Variants in ARSG observed in about 807,000 individuals in gnomAD.
ARSG encodes ASG.
ARSG carries 37 observed loss-of-function variants against 50.5 expected under a neutral mutation model. The ratio of observed to expected loss-of-function variants is 0.73; its 90% CI spans 0.56 to 0.96. The LOEUF (loss-of-function observed/expected upper bound fraction) is 0.96, where lower values mean the gene tolerates loss of function less well. Ranked by LOEUF, ARSG falls within the 50% of genes least tolerant of loss-of-function variation. ARSG has a pLI of 0.00. For synonymous variants in ARSG, 225 were observed against 254.6 expected, an observed-to-expected ratio of 0.88 and a Z score of 1.11; for missense variants, 629 against 675.3, an observed-to-expected ratio of 0.93 and a Z score of 0.76.
intron 6 of ARSG, among the ~76,000 whole-genome samples, chr17:68,364,354 T>G (rs566590350): frequency 7.2e-5 from 11 of 152,028 alleles, no homozygotes; most frequent in Non-Finnish European, 1.6e-4. Flanking sequence ...TAACCTGTTT[T>G]TTGTTGTTGT....
At chr17:68,304,815 C>T (rs2076547453) in intron 1 of ARSG, among the ~76,000 whole-genome samples, 1 of 152,186 alleles carries the variant, frequency 6.6e-6, no homozygotes, top group Non-Finnish European at 1.5e-5. Context: ...CAGGAATGAA[C>T]CACAATGCCC....
intron 11 of ARSG, among the ~76,000 whole-genome samples, chr17:68,415,299 G>T (rs527875434): frequency 6.6e-6 from 1 of 152,172 alleles, no homozygotes; most frequent in African/African-American, 2.4e-5. Context: ...TTAGGAGCAG[G>T]TTATATAATT....
In ARSG at chr17:68,330,171, C is replaced by T. The variant is rs370491443; in HGVS notation, c.219-13433C>T. Among the ~76,000 whole-genome samples the T allele has an allele frequency of 3.1e-3, 466 of 151,826 alleles. 3 individuals are homozygous for T. Among genetic ancestry groups the T allele is most frequent in the African/African-American group, 0.011 (438 of 41,330 alleles). Reference sequence around the variant, plus strand: ...GTTGTAGTGAGCTGAGATCGAGCCACTGCACTCCAGCCTGGGTGGCAGAGT... The same window carrying T: ...GTTGTAGTGAGCTGAGATCGAGCCATTGCACTCCAGCCTGGGTGGCAGAGT... On this transcript the variant is annotated intron_variant, in intron 2 of 11. Transcript: ENST00000621439.
chr17:68,372,309 G>A (rs1041799293), intron 8 of ARSG, among the ~76,000 whole-genome samples: 1 of 151,786 alleles, frequency 6.6e-6, no homozygotes, highest in African/African-American at 2.4e-5. Flanking sequence ...TCGATCGATC[G>A]AAACACCAAT....
At chr17:68,389,102 C>T (rs1446173522) in intron 9 of ARSG, among the ~76,000 whole-genome samples, 1 of 152,192 alleles carries the variant, frequency 6.6e-6, no homozygotes, top group Non-Finnish European at 1.5e-5. Flanking sequence ...GGAGGCTGTG[C>T]TCACATCAGT....
upstream of ARSG, among the ~76,000 whole-genome samples, chr17:68,287,491 C>T (rs1213847519): frequency 6.6e-6 from 1 of 152,148 alleles, no homozygotes; most frequent in Non-Finnish European, 1.5e-5. Context: ...TATTTCCTTT[C>T]TGAGCCACTG....
chr17:68,380,040 C>G (rs1312951474), intron 8 of ARSG: 1 of 173,354 alleles, frequency 5.8e-6, no homozygotes, highest in Non-Finnish European at 1.1e-5. Flanking sequence ...CCTGAGACAG[C>G]AAGACCAACC....
chr17:68,326,913 G>T (rs1302075787), intron 2 of ARSG, among the ~76,000 whole-genome samples: 1 of 152,216 alleles, frequency 6.6e-6, no homozygotes, highest in African/African-American at 2.4e-5. Flanking sequence ...GGAGTGGCCA[G>T]AGAAAGAGTG....
chr17:68,444,187 A>G, the ARSG span, among the ~76,000 whole-genome samples: 1 of 152,244 alleles, frequency 6.6e-6, no homozygotes, highest in Non-Finnish European at 1.5e-5. Context: ...ACACTTTTCA[A>G]CAGCAGATGC....
At chr17:68,441,709 AC>A in the ARSG span, among the ~76,000 whole-genome samples, 1 of 152,120 alleles carries the variant, frequency 6.6e-6, no homozygotes, top group Non-Finnish European at 1.5e-5. Context: ...ACCTTTGCCC[AC>A]CCAGGCCACA....
intron 1 of ARSG, among the ~76,000 whole-genome samples, chr17:68,294,777 A>G (rs1189650440): frequency 6.6e-6 from 1 of 152,158 alleles, no homozygotes; most frequent in East Asian, 1.9e-4. Flanking sequence ...TCTGCCATCT[A>G]GCAACAGTGA....
At chr17:68,364,351 T>C (rs1175497294) in intron 6 of ARSG, among the ~76,000 whole-genome samples, 1 of 151,956 alleles carries the variant, frequency 6.6e-6, no homozygotes, top group Non-Finnish European at 1.5e-5. Context: ...AGATAACCTG[T>C]TTTTTGTTGT....
At chr17:68,448,423 G>C in the ARSG span, 1 of 152,188 alleles carries the variant, frequency 6.6e-6, no homozygotes, top group Non-Finnish European at 1.5e-5. Context: ...TCCGAGAACT[G>C]TTAGATCTTG....
chr17:68,289,862 T>C (rs2075928969), upstream of ARSG, among the ~76,000 whole-genome samples: 4 of 152,166 alleles, frequency 2.6e-5, 1 homozygote, highest in South Asian at 8.3e-4. Context: ...GCTTTTCCAC[T>C]TGGCTGCATT....
chr17:68,341,089 G>A (rs895685080), intron 2 of ARSG, among the ~76,000 whole-genome samples: 1 of 152,114 alleles, frequency 6.6e-6, no homozygotes, highest in African/African-American at 2.4e-5. Flanking sequence ...GCTACTGAGT[G>A]AAGTTTAAGC....
rs954594171 is a variant in ARSG, at chr17:68,378,333, C to T, written c.983-6731C>T. On this transcript the variant is annotated intron_variant, in intron 8 of 11. Coordinates refer to ENST00000621439, the MANE Select transcript of ARSG (RefSeq NM_001267727.2). The surrounding 1 kb of genome is among the most constrained non-coding windows in gnomAD (Gnocchi z 4.4). ...GAAGCCAGGCTGCTGCGTCAGGCCA[C>T]GTGCTGTCTTCCCCTGTTCTCAGGG... 7.2e-5 allele frequency among the ~76,000 whole-genome samples: 11 copies of T among 152,354 alleles called. No homozygotes were observed. The highest frequency in any genetic ancestry group is 2.1e-4 in the South Asian group (1 of 4,830).
intron 1 of ARSG, among the ~76,000 whole-genome samples, chr17:68,293,093 T>TGA (rs1474329227): frequency 3.3e-5 from 5 of 152,216 alleles, no homozygotes; most frequent in Admixed American, 3.3e-4. Context: ...ACACTCCCTG[T>TGA]GAGAGAGAGC....
chr17:68,336,821 A>G (rs1200983021), intron 2 of ARSG, among the ~76,000 whole-genome samples: 1 of 152,144 alleles, frequency 6.6e-6, no homozygotes, highest in Non-Finnish European at 1.5e-5. Flanking sequence ...ACATCACTGC[A>G]CTCTAGCCTG....
chr17:68,358,556 G>A (rs2079137783), intron 6 of ARSG, among the ~76,000 whole-genome samples: 2 of 151,966 alleles, frequency 1.3e-5, no homozygotes, highest in African/African-American at 2.4e-5. Flanking sequence ...GGGAGTGGTG[G>A]CACCCATCTG....
Sources: gnomAD v4.1 joint callset for allele counts (sites outside exome capture counted in the v4.1 genomes callset) on GRCh38, gnomAD v4.1.1 for gene constraint, Gnocchi (gnomAD v3.1) non-coding constraint, MANE v1.5 for transcripts, NCBI Gene and HGNC (gene_info 2026-07-23, HGNC 2026-07-21) for gene names.